COMMD1: variants seen among roughly 807,000 people sequenced by gnomAD.
COMMD1 encodes the protein COMM domain-containing protein 1.
COMMD1 carries 10 observed loss-of-function variants against 17.2 expected under a neutral mutation model. That is an observed-to-expected ratio of 0.58 (90% CI 0.36 to 0.99). COMMD1 has a LOEUF of 0.99. Among genes scored for constraint, COMMD1 ranks in the 50% least tolerant of loss-of-function variants. The pLI, the probability that COMMD1 is intolerant of heterozygous loss-of-function variation, is 0.01. For synonymous variants in COMMD1, 97 were observed against 91.6 expected (o/e 1.06, Z -0.34); for missense variants, 270 against 231.8 (o/e 1.17, Z -1.07).
intron 2 of COMMD1, among the ~76,000 whole-genome samples, chr2:62,111,683 A>T (rs1442446732): frequency 6.6e-6 from 1 of 152,090 alleles, no homozygotes; most frequent in Non-Finnish European, 1.5e-5. Context: ...AACGGGAAAG[A>T]GGGGAGGGAG....
At chr2:62,091,587 C>T (rs539150854) in intron 2 of COMMD1, among the ~76,000 whole-genome samples, 4 of 152,294 alleles carry the variant, frequency 2.6e-5, no homozygotes, top group East Asian at 1.9e-4. Context: ...TTCCCAGAGG[C>T]GCCCTGGTCT....
intron 2 of COMMD1, among the ~76,000 whole-genome samples, chr2:62,053,428 A>T (rs1173461808): frequency 1.3e-5 from 2 of 152,168 alleles, no homozygotes; most frequent in Admixed American, 1.3e-4. Context: ...TTCTTAGTGG[A>T]TAGAAGAAAC....
At chr2:61,968,699 G>C (rs1258841995) in intron 1 of COMMD1, among the ~76,000 whole-genome samples, 1 of 151,950 alleles carries the variant, frequency 6.6e-6, no homozygotes, top group African/African-American at 2.4e-5. Context: ...TGTCACCACA[G>C]GTGCATGCCA....
At chr2:62,068,080 A>C (rs1033859649) in intron 2 of COMMD1, among the ~76,000 whole-genome samples, 1 of 152,214 alleles carries the variant, frequency 6.6e-6, no homozygotes, top group Non-Finnish European at 1.5e-5. Flanking sequence ...GGTCCCAGTT[A>C]ACTGAGAAAG....
At chr2:62,007,437 A>G (rs537582639) in intron 2 of COMMD1, among the ~76,000 whole-genome samples, 8 of 152,256 alleles carry the variant, frequency 5.3e-5, no homozygotes, top group East Asian at 3.9e-4. Context: ...ATTTATTTTT[A>G]ATTTCTAAAT....
Position 62,005,727 on chromosome 2 carries a change from A to G in COMMD1, c.462+4745A>G, listed in dbSNP as rs374903818. On this transcript the variant is annotated intron_variant, in intron 2 of 2. Transcript: ENST00000311832. ...CTGGAGAGGATGTGGAGAAATAGGA[A>G]CACTTTTACACCGTTGGTGGGACTG... is the stretch of plus-strand genomic sequence containing the variant. 5.5e-3 allele frequency among the ~76,000 whole-genome samples: 832 copies of G among 152,130 alleles called. 11 individuals carry two copies. The highest frequency in any genetic ancestry group is 0.019 in the African/African-American group (791 of 41,510).
intron 2 of COMMD1, among the ~76,000 whole-genome samples, chr2:62,122,768 C>T (rs1672784154): frequency 6.6e-6 from 1 of 152,150 alleles, no homozygotes; most frequent in Non-Finnish European, 1.5e-5. Flanking sequence ...TTTTTCTAAC[C>T]AAGAAATCTC....
chr2:61,977,648 T>A lies in COMMD1; in HGVS notation c.181-23053T>A, dbSNP rs1319749380. The stretch of plus-strand genomic sequence containing the variant: ...TTCCATTAGATCTGTATTATTGATG[T>A]ATTACTACTAGGTAAAAATATAGAA... On this transcript the variant is annotated intron_variant, in intron 1 of 2. Transcript: ENST00000311832. Among the ~76,000 whole-genome samples, 4 of 152,140 alleles carry A rather than the reference T, an allele frequency of 2.6e-5. No individual in the cohort carries two copies. The East Asian group carries it at 7.7e-4, about 29-fold the overall frequency.
chr2:61,991,139 CTTTT>C (rs1184577663), intron 1 of COMMD1, among the ~76,000 whole-genome samples: 1 of 151,744 alleles, frequency 6.6e-6, no homozygotes, highest in Non-Finnish European at 1.5e-5. Flanking sequence ...CATTCAAATT[CTTTT>C]TTTTCTTTAG....
intron 1 of COMMD1, among the ~76,000 whole-genome samples, chr2:61,913,823 G>A (rs1669978788): frequency 1.9e-5 from 2 of 103,694 alleles, no homozygotes; most frequent in Non-Finnish European, 3.9e-5. Context: ...AAAAAGAAAA[G>A]TGTGTTAACC....
Position 61,905,708 on chromosome 2 carries a change from A to G in COMMD1, c.30A>G (p.Lys10=), listed in dbSNP as rs1347117582. The part of the protein sequence containing the change: MAAGELEGG[K]PLSGLLNALA... ...CGGCGGGCGAGCTTGAGGGTGGCAA[A>G]CCCCTGAGCGGGCTGCTGAATGCGC... The change falls in exon 1 of 3, where the codon AAA becomes AAG. Residue 10 remains lysine (K), a synonymous_variant. Transcript: ENST00000311832. 1.3e-6 allele frequency: 2 copies of G among 1,593,604 alleles called. No homozygotes were observed. Among genetic ancestry groups the G allele is most frequent in the Non-Finnish European group, 1.7e-6 (2 of 1,168,588 alleles).
At chr2:61,917,769 G>T (rs559904854) in intron 1 of COMMD1, among the ~76,000 whole-genome samples, 72 of 152,318 alleles carry the variant, frequency 4.7e-4, no homozygotes, top group African/African-American at 1.7e-3. Context: ...CACTCCTCGT[G>T]ATCCGCCCGC....
At chr2:61,940,674 C>T (rs549873815) in intron 1 of COMMD1, among the ~76,000 whole-genome samples, 83 of 152,170 alleles carry the variant, frequency 5.5e-4, no homozygotes, top group Non-Finnish European at 6.8e-4. Flanking sequence ...ATTTCTATCA[C>T]TCTTCTGGGA....
intron 2 of COMMD1, among the ~76,000 whole-genome samples, chr2:62,005,905 C>T (rs1208938620): frequency 1.6e-4 from 24 of 151,444 alleles, no homozygotes; most frequent in African/African-American, 3.4e-4. Flanking sequence ...CGTATGTTTA[C>T]TGCGGCACTA....
intron 1 of COMMD1, among the ~76,000 whole-genome samples, chr2:61,926,263 G>A (rs766227617): frequency 1.2e-4 from 18 of 152,122 alleles, no homozygotes; most frequent in South Asian, 6.2e-4. Flanking sequence ...GAGCCACTGC[G>A]TCTGGCGAGT....
intron 2 of COMMD1, among the ~76,000 whole-genome samples, chr2:62,135,427 T>C (rs1673166547): frequency 6.6e-6 from 1 of 151,870 alleles, no homozygotes; most frequent in African/African-American, 2.4e-5. Context: ...CTCGGCTCAC[T>C]GCAAGCTCCG....
At chr2:61,928,127 A>G (rs1217946811) in intron 1 of COMMD1, among the ~76,000 whole-genome samples, 2 of 152,022 alleles carry the variant, frequency 1.3e-5, no homozygotes, top group African/African-American at 4.8e-5. Flanking sequence ...TTAACAAATT[A>G]TATAAAAAGT....
intron 2 of COMMD1, among the ~76,000 whole-genome samples, chr2:62,096,911 T>A (rs189637911): frequency 1.3e-5 from 2 of 152,356 alleles, no homozygotes; most frequent in South Asian, 2.1e-4. Context: ...AAATTCAATG[T>A]CATCTAAATC....
chr2:61,893,779 A>C (rs1045472642), intron 1 of COMMD1, among the ~76,000 whole-genome samples: 4 of 150,802 alleles, frequency 2.7e-5, no homozygotes, highest in Admixed American at 2.0e-4. Flanking sequence ...ACACCATTGC[A>C]CTCCAGCTTG....
Sources: allele counts gnomAD v4.1 joint callset (sites outside exome capture counted in the v4.1 genomes callset), GRCh38; gene constraint gnomAD v4.1.1; transcripts MANE v1.5; gene names NCBI Gene and HGNC (gene_info 2026-07-23, HGNC 2026-07-21).